KIF26B: variants seen among roughly 807,000 people sequenced by gnomAD.
KIF26B encodes the protein kinesin-like protein KIF26B.
In KIF26B, 63 loss-of-function variants were observed where a neutral mutation model predicts 151.2. The observed-to-expected ratio is 0.42, with a 90% confidence interval of 0.34 to 0.51. KIF26B has a LOEUF of 0.51. Ranked by LOEUF, KIF26B falls within the 20% of genes least tolerant of loss-of-function variation. The pLI is 0.07. For missense variants in KIF26B, 2,813 were observed against 2,913.6 expected (o/e 0.97, Z 0.79); for synonymous variants, 1,357 against 1,262.1 (o/e 1.08, Z -1.59).
intron 3 of KIF26B, among the ~76,000 whole-genome samples, chr1:245,370,989 G>A (rs1305111687): frequency 1.3e-5 from 2 of 152,136 alleles, no homozygotes; most frequent in African/African-American, 2.4e-5. Context: ...AAGAGATGCC[G>A]CGGTGCTTTG....
chr1:245,311,340 C>T (rs1395977385), intron 2 of KIF26B, among the ~76,000 whole-genome samples: 1 of 151,690 alleles, frequency 6.6e-6, no homozygotes, highest in African/African-American at 2.4e-5. Flanking sequence ...TCTGTGCTTG[C>T]TGAAGCTCAG....
chr1:245,643,178 CT>C (rs1483607474), intron 9 of KIF26B, among the ~76,000 whole-genome samples: 1 of 152,074 alleles, frequency 6.6e-6, no homozygotes, highest in African/African-American at 2.4e-5. Flanking sequence ...CGATTTTTGC[CT>C]TTTAATAAGG....
At chr1:245,492,978 A>G (rs917199981) in intron 4 of KIF26B, among the ~76,000 whole-genome samples, 16 of 152,144 alleles carry the variant, frequency 1.1e-4, no homozygotes, top group African/African-American at 3.9e-4. Context: ...ACGGGGTTTC[A>G]TCATGTTGGC....
At chr1:245,168,945 G>T (rs1448687052) in intron 2 of KIF26B, among the ~76,000 whole-genome samples, 1 of 152,070 alleles carries the variant, frequency 6.6e-6, no homozygotes, top group Non-Finnish European at 1.5e-5. Context: ...ACTTCCTGGG[G>T]GATGTTTCCC....
intron 10 of KIF26B, chr1:245,676,137 C>G (rs2044354674): frequency 6.6e-6 from 1 of 152,152 alleles, no homozygotes; most frequent in Non-Finnish European, 1.5e-5. Flanking sequence ...GAATTGTATT[C>G]TGGAATTAGT....
At position 245,227,487 on chromosome 1, in the gene KIF26B, C is replaced by T. The variant is rs1187165250; in HGVS notation, c.465+70804C>T. Among the ~76,000 whole-genome samples the T allele has an allele frequency of 6.6e-6, 1 of 152,216 alleles. No individual in the cohort carries two copies. The highest frequency in any genetic ancestry group is 1.5e-5 in the Non-Finnish European group (1 of 68,036). ...TTCTTCCCACCCCTGTCACACCGCCCTTGACCATGGTTGTCTGTCATGTGG... is the reference window on the plus strand; with the variant it reads ...TTCTTCCCACCCCTGTCACACCGCCTTTGACCATGGTTGTCTGTCATGTGG... On this transcript the variant is annotated intron_variant, in intron 2 of 14. Transcript: ENST00000407071. This position sits in a 1 kb window ranked among gnomAD's most constrained non-coding sequence, Gnocchi z 4.1.
intron 2 of KIF26B, among the ~76,000 whole-genome samples, chr1:245,301,681 A>G (rs1300346062): frequency 6.6e-6 from 1 of 152,180 alleles, no homozygotes; most frequent in African/African-American, 2.4e-5. Context: ...TCTTCAGAAG[A>G]GAGGAAATGT....
intron 3 of KIF26B, among the ~76,000 whole-genome samples, chr1:245,374,282 C>T (rs1015528779): frequency 1.0e-4 from 15 of 149,086 alleles, no homozygotes; most frequent in African/African-American, 3.5e-4. Context: ...TCCAAGCGCC[C>T]CTGCAGGAGG....
Position 245,606,050 on chromosome 1 carries a change from T to C in KIF26B, c.1558-1601T>C, listed in dbSNP as rs2043449884. 6.6e-6 allele frequency among the ~76,000 whole-genome samples: 1 copy of C among 152,166 alleles called. No homozygotes were observed. The highest frequency in any genetic ancestry group is 1.5e-5 in the Non-Finnish European group (1 of 68,034). On this transcript the variant is annotated intron_variant, in intron 6 of 14. Transcript: ENST00000407071. This position sits in a 1 kb window ranked among gnomAD's most constrained non-coding sequence, Gnocchi z 4.6. The stretch of plus-strand genomic sequence containing the variant: ...TCTGCCTGCTCTGCAGACACGCCTC[T>C]GGCAAATTCCATCAAGACGCTACTG...
intron 5 of KIF26B, among the ~76,000 whole-genome samples, chr1:245,558,318 T>C (rs907097699): frequency 3.3e-5 from 5 of 152,188 alleles, no homozygotes; most frequent in Non-Finnish European, 5.9e-5. Context: ...TAGTTCCTGC[T>C]TCTCTCGCCT....
chr1:245,543,538 A>G (rs1413220966), intron 5 of KIF26B, among the ~76,000 whole-genome samples: 1 of 152,198 alleles, frequency 6.6e-6, no homozygotes, highest in African/African-American at 2.4e-5. Flanking sequence ...TGTGGCTTCC[A>G]TCTGCCCAGT....
rs889591885 is a variant in KIF26B at position 245,704,620 on chromosome 1, T to C, written c.*2014T>C. 5 of 152,300 alleles carry C rather than the reference T, an allele frequency of 3.3e-5. No individual in the cohort carries two copies. Among genetic ancestry groups the C allele is most frequent in the Non-Finnish European group, 5.9e-5 (4 of 68,140 alleles). The allele number at this position is 152,300 out of a possible 1,614,324, so 9.4% of individuals were successfully genotyped here. ...CTGGCATGGCTCGTTCTTCCTTCTG[T>C]GTATCTCCCAAGTCTGACAAGTGTG... On this transcript the variant is annotated 3_prime_UTR_variant, in exon 15 of 15. Transcript: ENST00000407071.
chr1:245,578,277 C>A (rs569690015), intron 5 of KIF26B, among the ~76,000 whole-genome samples: 4 of 152,240 alleles, frequency 2.6e-5, no homozygotes, highest in African/African-American at 9.6e-5. Context: ...CTGGGACTAG[C>A]CCCTTGGCAA....
chr1:245,234,884 G>A (rs574865862), intron 2 of KIF26B, among the ~76,000 whole-genome samples: 1 of 152,248 alleles, frequency 6.6e-6, no homozygotes, highest in East Asian at 1.9e-4. Context: ...AGCAGCAGTG[G>A]GCCCATTAGC....
chr1:245,597,332 C>CA lies in KIF26B; in HGVS notation c.1351-5241dup, dbSNP rs1222051648. ...TCTTGTAAGGCAGGCCTGGTGGTGA[C>CA]AAAATCTCTCAGCATTTGCCTGTCT... On this transcript the variant is annotated intron_variant, in intron 5 of 14. Transcript: ENST00000407071. This position sits in a 1 kb window ranked among gnomAD's most constrained non-coding sequence, Gnocchi z 4.6. 6.6e-6 allele frequency among the ~76,000 whole-genome samples: 1 copy of CA among 152,160 alleles called. No individual in the cohort carries two copies.
intron 2 of KIF26B, among the ~76,000 whole-genome samples, chr1:245,326,452 C>A (rs1671992566): frequency 6.6e-6 from 1 of 152,196 alleles, no homozygotes; most frequent in Non-Finnish European, 1.5e-5. Context: ...GTTCCCCTGT[C>A]CTCAGCCCAG....
chr1:245,246,896 C>CACAG (rs1670341792), intron 2 of KIF26B, among the ~76,000 whole-genome samples: 1 of 108,436 alleles, frequency 9.2e-6, no homozygotes, highest in Non-Finnish European at 2.0e-5. Context: ...CACACACAGA[C>CACAG]ACACACACAC....
chr1:245,415,493 C>T (rs1256248436), intron 3 of KIF26B, among the ~76,000 whole-genome samples: 2 of 152,068 alleles, frequency 1.3e-5, no homozygotes, highest in Non-Finnish European at 2.9e-5. Flanking sequence ...TCCAACTCAG[C>T]ACTCCAAAGA....
chr1:245,621,786 A>G (rs2043664382), intron 9 of KIF26B, among the ~76,000 whole-genome samples: 1 of 152,248 alleles, frequency 6.6e-6, no homozygotes, highest in African/African-American at 2.4e-5. Flanking sequence ...CAAGTTAAGC[A>G]CCATGTGTGA....
Sources: allele counts gnomAD v4.1 joint callset (sites outside exome capture counted in the v4.1 genomes callset), GRCh38; gene constraint gnomAD v4.1.1; non-coding constraint Gnocchi (gnomAD v3.1); transcripts MANE v1.5; gene names NCBI Gene and HGNC (gene_info 2026-07-23, HGNC 2026-07-21).